The following DPYD variants were observed in gnomAD, a reference collection of about 807,000 sequenced individuals.
The protein encoded by DPYD is dihydropyrimidine dehydrogenase.
In DPYD, 109 loss-of-function variants were observed where a neutral mutation model predicts 116.2. The observed-to-expected ratio is 0.94, with a 90% CI of 0.80 to 1.10. DPYD has a LOEUF of 1.10. Among genes scored for constraint, DPYD ranks in the 50% least tolerant of loss-of-function variants. The probability of loss-of-function intolerance (pLI) is 0.00; values close to 1 mark genes in which losing one functional copy is unlikely to be tolerated. For missense variants in DPYD, 1,302 were observed against 1,254.5 expected (o/e 1.04, Z -0.57); for synonymous variants, 440 against 432.0 (o/e 1.02, Z -0.23).
chr1:97,193,320 G>T, intron 19 of DPYD, 72 bp from the exon 20 acceptor site: 1 of 1,460,904 alleles, frequency 6.8e-7, no homozygotes, highest in Non-Finnish European at 9.4e-7. Context: ...ACTTTTCTTT[G>T]AGTCAACAAA....
chr1:97,373,328 T>C (rs1398437962), intron 16 of DPYD, among the ~76,000 whole-genome samples: 1 of 152,210 alleles, frequency 6.6e-6, no homozygotes, highest in Non-Finnish European at 1.5e-5. Context: ...TGATATTACT[T>C]CCTGTCAAGC....
chr1:97,772,342 CTTTCT>C (rs1441460788), intron 3 of DPYD, among the ~76,000 whole-genome samples: 1 of 152,146 alleles, frequency 6.6e-6, no homozygotes, highest in African/African-American at 2.4e-5. Context: ...GTACTTCTTT[CTTTCT>C]TTTATTAAAG....
chr1:97,089,565 C>T (rs931815358), intron 21 of DPYD, among the ~76,000 whole-genome samples: 1 of 152,088 alleles, frequency 6.6e-6, no homozygotes, highest in Non-Finnish European at 1.5e-5. Flanking sequence ...TCTTTTTCTT[C>T]TTTTATCTCA....
At chr1:97,912,814 A>G (rs937434552) in intron 1 of DPYD, among the ~76,000 whole-genome samples, 1 of 152,034 alleles carries the variant, frequency 6.6e-6, no homozygotes, top group African/African-American at 2.4e-5. Flanking sequence ...TGAACTGTGG[A>G]GAAGTTTAAA....
chr1:97,508,790 G>A (rs898597358), intron 13 of DPYD, among the ~76,000 whole-genome samples: 27 of 151,824 alleles, frequency 1.8e-4, no homozygotes, highest in African/African-American at 6.0e-4. Flanking sequence ...TGATGGGAGG[G>A]GCCATTTCCA....
At position 97,699,542 on chromosome 1, in the gene DPYD, G is replaced by C. The variant is rs368970772; in HGVS notation, c.489C>G (p.Phe163Leu). 6.2e-7 allele frequency: 1 copy of C among 1,613,360 alleles called. No individual in the cohort carries two copies. The highest frequency in any genetic ancestry group is 8.5e-7 in the Non-Finnish European group (1 of 1,179,448). The change falls in exon 6 of 23, where the codon TTC becomes TTG. Residue 163 changes from phenylalanine (F) to leucine (L), a missense_variant. Transcript: ENST00000370192. ...GGLQQFATEV[F>L]KAMSIPQIRN... ...TGATCTGTGGGATACTCATTGCTTT[G>C]AATACCTACGGGGAAATCAATTGTC...
intron 5 of DPYD, chr1:97,700,237 A>G (rs774679321): frequency 2.9e-5 from 13 of 455,966 alleles, no homozygotes; most frequent in South Asian, 1.7e-4. Flanking sequence ...AGCTCAGAAA[A>G]GAGATGTTGG....
At chr1:97,080,244 C>G (rs1649060453) in intron 22 of DPYD, among the ~76,000 whole-genome samples, 1 of 152,028 alleles carries the variant, frequency 6.6e-6, no homozygotes, top group African/African-American at 2.4e-5. Flanking sequence ...CAATAAGTGT[C>G]TCTCCACCCC....
intron 14 of DPYD, among the ~76,000 whole-genome samples, chr1:97,427,302 T>C (rs1556798): frequency 0.8 from 120,950 of 151,914 alleles, 48,542 homozygotes; most frequent in East Asian, 0.87. Flanking sequence ...ACCTTCACTT[T>C]TTTTTTTCTG....
intron 13 of DPYD, among the ~76,000 whole-genome samples, chr1:97,458,501 AACTAACTATTGGGTGGTGTTT>A (rs1436673621): frequency 3.3e-5 from 5 of 152,188 alleles, no homozygotes; most frequent in Admixed American, 6.5e-5. Context: ...CACAAGGGCA[AACTAACTATTGGGTGGTGTTT>A]ACCCTCAAGG....
Position 97,466,251 on chromosome 1 carries a change from T to C in DPYD, c.1741-16028A>G, listed in dbSNP as rs114356489. Among the ~76,000 whole-genome samples the C allele has an allele frequency of 5.7e-3, 869 of 152,364 alleles. 6 individuals carry two copies. Among genetic ancestry groups the C allele is most frequent in the African/African-American group, 0.02 (830 of 41,580 alleles). On this transcript the variant is annotated intron_variant, in intron 13 of 22. Coordinates refer to ENST00000370192, the MANE Select transcript of DPYD (RefSeq NM_000110.4). ...GTTGACCTAAAAATAAATTGATTCCTGCAGAAGGTTCTACAATCAAAATCT... is the reference window on the plus strand; with the variant it reads ...GTTGACCTAAAAATAAATTGATTCCCGCAGAAGGTTCTACAATCAAAATCT...
At chr1:97,188,092 A>T (rs1466141960) in intron 20 of DPYD, among the ~76,000 whole-genome samples, 1 of 152,030 alleles carries the variant, frequency 6.6e-6, no homozygotes, top group African/African-American at 2.4e-5. Flanking sequence ...GAATTGTTTT[A>T]TCAATAACTG....
intron 13 of DPYD, among the ~76,000 whole-genome samples, chr1:97,502,341 G>A (rs1356517696): frequency 6.6e-6 from 1 of 151,882 alleles, no homozygotes; most frequent in Non-Finnish European, 1.5e-5. Context: ...TGAATGTAAG[G>A]GCCTGAAAAT....
chr1:97,096,681 G>A (rs181140427), intron 21 of DPYD, among the ~76,000 whole-genome samples: 3 of 152,038 alleles, frequency 2.0e-5, no homozygotes, highest in African/African-American at 7.2e-5. Context: ...CGAATCAGCA[G>A]GGTCCTAAAA....
intron 13 of DPYD, among the ~76,000 whole-genome samples, chr1:97,461,818 G>A (rs956713032): frequency 1.3e-5 from 2 of 152,118 alleles, no homozygotes; most frequent in African/African-American, 2.4e-5. Flanking sequence ...ACAATTACTG[G>A]ATCTCACATT....
At chr1:97,223,433 C>T (rs571647999) in intron 19 of DPYD, among the ~76,000 whole-genome samples, 13 of 148,556 alleles carry the variant, frequency 8.8e-5, no homozygotes, top group South Asian at 6.6e-4. Flanking sequence ...ACACACACAT[C>T]CATACAATCT....
In DPYD at chr1:97,356,697, A is replaced by G. The variant is rs141646179; in HGVS notation, c.2058+16864T>C. Among the ~76,000 whole-genome samples, 126 of 152,312 alleles carry G rather than the reference A, an allele frequency of 8.3e-4. 2 individuals carry two copies. Among genetic ancestry groups the G allele is most frequent in the African/African-American group, 2.9e-3 (120 of 41,574 alleles). ...TAATCCACTTGATAATATTTCTGTT[A>G]ATGCTGTGAGATAATGATCTAATTT... On this transcript the variant is annotated intron_variant, in intron 16 of 22. Coordinates refer to ENST00000370192, the MANE Select transcript of DPYD (RefSeq NM_000110.4).
intron 2 of DPYD, among the ~76,000 whole-genome samples, chr1:97,869,624 C>A (rs771623773): frequency 5.9e-5 from 9 of 151,720 alleles, no homozygotes; most frequent in Non-Finnish European, 1.3e-4. Flanking sequence ...GAGAACAATC[C>A]TTTATCACTG....
At chr1:97,791,008 TA>T (rs1004017570) in intron 3 of DPYD, among the ~76,000 whole-genome samples, 1 of 152,160 alleles carries the variant, frequency 6.6e-6, no homozygotes, top group African/African-American at 2.4e-5. Flanking sequence ...ACATATTCAG[TA>T]AGAAAAAAGG....
Sources: gnomAD v4.1 joint callset for allele counts (sites outside exome capture counted in the v4.1 genomes callset) on GRCh38, gnomAD v4.1.1 for gene constraint, MANE v1.5 for transcripts, NCBI Gene and HGNC (gene_info 2026-07-23, HGNC 2026-07-21) for gene names.